The following BLTP1 variants were observed in gnomAD, a reference collection of about 807,000 sequenced individuals.
BLTP1 encodes bridge-like lipid transfer protein family member 1.
the BLTP1 span, chr4:122,280,280 T>C: frequency 1.6e-6 from 1 of 633,212 alleles, no homozygotes; most frequent in Non-Finnish European, 2.0e-6. Context: ...ATTGGTGAAT[T>C]CCAGGACCAT....
the BLTP1 span, among the ~76,000 whole-genome samples, chr4:122,162,027 C>G: frequency 6.6e-6 from 1 of 152,086 alleles, no homozygotes; most frequent in Admixed American, 6.5e-5. Flanking sequence ...TACTAAGAGA[C>G]AGGTTGTCAT....
the BLTP1 span, chr4:122,189,038 G>A: frequency 1.0e-6 from 1 of 984,590 alleles, no homozygotes; most frequent in Non-Finnish European, 1.2e-6. Flanking sequence ...TGTGGACTGT[G>A]CACACAAATG....
chr4:122,352,850 T>G, the BLTP1 span: 1 of 1,593,872 alleles, frequency 6.3e-7, no homozygotes, highest in Non-Finnish European at 8.6e-7. Context: ...CTCTACCCTA[T>G]CCAAGGGTAC....
chr4:122,174,512 T>C, the BLTP1 span: 4 of 1,582,564 alleles, frequency 2.5e-6, no homozygotes, highest in Non-Finnish European at 3.4e-6. Flanking sequence ...TTTTAAACTT[T>C]AAGGGCCCTA....
chr4:122,349,875 A>C, the BLTP1 span: 1 of 1,613,516 alleles, frequency 6.2e-7, no homozygotes, highest in Non-Finnish European at 8.5e-7. This position sits in a 1 kb window ranked among gnomAD's most constrained non-coding sequence, Gnocchi z 4.5. Context: ...TCGTCCATGG[A>C]GATTTGAAGT....
chr4:122,347,882 A>T, the BLTP1 span: 4 of 735,838 alleles, frequency 5.4e-6, no homozygotes, highest in Non-Finnish European at 8.3e-6. Context: ...TAAATTCTTG[A>T]GGTTTTTATG....
the BLTP1 span, chr4:122,169,681 A>G: frequency 2.1e-6 from 2 of 965,940 alleles, no homozygotes; most frequent in Non-Finnish European, 2.5e-6. Flanking sequence ...ACATATACAC[A>G]CATATCTATA....
chr4:122,293,770 C>T, the BLTP1 span, among the ~76,000 whole-genome samples: 3 of 152,208 alleles, frequency 2.0e-5, no homozygotes, highest in Admixed American at 6.5e-5. Context: ...AAGTTAAGAA[C>T]CACTGGCTTG....
the BLTP1 span, among the ~76,000 whole-genome samples, chr4:122,348,065 C>G: frequency 6.6e-6 from 1 of 151,972 alleles, no homozygotes; most frequent in Non-Finnish European, 1.5e-5. Flanking sequence ...GTACTTGTGC[C>G]TGATTGTATA....
the BLTP1 span, chr4:122,201,789 G>A: frequency 1.2e-6 from 1 of 849,268 alleles, no homozygotes; most frequent in Non-Finnish European, 1.4e-6. Flanking sequence ...CTGTTCCACA[G>A]AAACCTAATC....
the BLTP1 span, among the ~76,000 whole-genome samples, chr4:122,352,354 T>C: frequency 7.3e-4 from 104 of 141,730 alleles, no homozygotes; most frequent in African/African-American, 2.5e-3. Context: ...TTTTGGTTTT[T>C]CTTTTTTTTT....
At chr4:122,179,817 G>A in the BLTP1 span, 12 of 984,010 alleles carry the variant, frequency 1.2e-5, no homozygotes, top group Non-Finnish European at 1.3e-5. Flanking sequence ...ACAAGTGCTA[G>A]TACACTCACT....
At chr4:122,240,553 T>C in the BLTP1 span, among the ~76,000 whole-genome samples, 1 of 152,194 alleles carries the variant, frequency 6.6e-6, no homozygotes, top group South Asian at 2.1e-4. Context: ...TGAGAAATGG[T>C]TTATGAGTTG....
the BLTP1 span, among the ~76,000 whole-genome samples, chr4:122,258,203 TATG>T: frequency 6.6e-6 from 1 of 152,220 alleles, no homozygotes; most frequent in African/African-American, 2.4e-5. Flanking sequence ...AAATGCATGT[TATG>T]ATGTTTTGAA....
chr4:122,204,677 T>C, the BLTP1 span: 4 of 654,672 alleles, frequency 6.1e-6, no homozygotes, highest in Non-Finnish European at 7.6e-6. Context: ...GTGAAAAAGG[T>C]GAGAAAATCA....
the BLTP1 span, chr4:122,264,151 G>A: frequency 1.5e-6 from 2 of 1,340,944 alleles, no homozygotes; most frequent in Non-Finnish European, 1.9e-6. Context: ...TCTTGAAATG[G>A]TACTACTATA....
the BLTP1 span, chr4:122,174,442 A>G: frequency 1.4e-6 from 2 of 1,432,092 alleles, no homozygotes; most frequent in Non-Finnish European, 1.9e-6. Flanking sequence ...GTAAGGCTGT[A>G]AGGGTATCAG....
the BLTP1 span, chr4:122,193,538 A>G: frequency 2.3e-5 from 9 of 396,814 alleles, no homozygotes; most frequent in Admixed American, 4.5e-4. Flanking sequence ...AATTTTTAAT[A>G]TATTATGAAC....
At chr4:122,236,677 CA>C in the BLTP1 span, 1 of 769,484 alleles carries the variant, frequency 1.3e-6, no homozygotes. Context: ...TTAACCATCA[CA>C]AACTCAAGAA....
Sources: allele counts gnomAD v4.1 joint callset (sites outside exome capture counted in the v4.1 genomes callset), GRCh38; gene constraint gnomAD v4.1.1; non-coding constraint Gnocchi (gnomAD v3.1); transcripts MANE v1.5; gene names NCBI Gene and HGNC (gene_info 2026-07-23, HGNC 2026-07-21).